Variants in RSPH14 observed in about 807,000 individuals in gnomAD.
RSPH14 encodes radial spoke head 14 homolog, also known as rhabdoid tumor deletion region gene 1.
Under a neutral mutation model 26.7 loss-of-function variants are expected in RSPH14, and 20 were observed. That is an observed-to-expected ratio of 0.75 (90% CI 0.53 to 1.09). The LOEUF is 1.09. Among genes scored for constraint, RSPH14 ranks in the 50% least tolerant of loss-of-function variants. The pLI, the probability that RSPH14 is intolerant of heterozygous loss-of-function variation, is 0.00. For synonymous variants in RSPH14, 177 were observed against 189.3 expected, an observed-to-expected ratio of 0.93 and a Z score of 0.53; for missense variants, 449 against 457.2, an observed-to-expected ratio of 0.98 and a Z score of 0.16.
At chr22:23,136,064 G>A (rs2146445647) in intron 3 of RSPH14, 2 of 417,972 alleles carry the variant, frequency 4.8e-6, no homozygotes, top group East Asian at 7.4e-5. Context: ...AGTCACCGTT[G>A]GACACACAAG....
At chr22:23,070,103 C>A (rs985149637) in intron 4 of RSPH14, among the ~76,000 whole-genome samples, 2 of 152,044 alleles carry the variant, frequency 1.3e-5, no homozygotes, top group Non-Finnish European at 2.9e-5. Flanking sequence ...GGAGCTCTTG[C>A]GGGACTGCGG....
chr22:23,078,353 C>T (rs989519410), intron 4 of RSPH14, among the ~76,000 whole-genome samples: 2 of 152,226 alleles, frequency 1.3e-5, no homozygotes, highest in Non-Finnish European at 2.9e-5. Context: ...TATGATAACA[C>T]CACGCACGCA....
chr22:23,169,823 C>T, the RSPH14 span, among the ~76,000 whole-genome samples: 1 of 152,150 alleles, frequency 6.6e-6, no homozygotes, highest in Non-Finnish European at 1.5e-5. Flanking sequence ...GGTACCTTGG[C>T]TGGGTGCGGT....
intron 4 of RSPH14, among the ~76,000 whole-genome samples, chr22:23,104,598 T>C (rs1252323689): frequency 1.3e-5 from 2 of 152,216 alleles, no homozygotes; most frequent in Admixed American, 6.5e-5. Context: ...TTAAGGGATT[T>C]GTATAATCCA....
intron 4 of RSPH14, among the ~76,000 whole-genome samples, chr22:23,093,434 G>A (rs1481077260): frequency 6.6e-6 from 1 of 152,234 alleles, no homozygotes; most frequent in Admixed American, 6.5e-5. Flanking sequence ...AACGAGGCCA[G>A]GACGGGCCCT....
the RSPH14 span, among the ~76,000 whole-genome samples, chr22:23,173,962 G>A: frequency 6.6e-6 from 1 of 151,890 alleles, no homozygotes; most frequent in Non-Finnish European, 1.5e-5. Flanking sequence ...CACCCTCCTC[G>A]GCCTCCCAAA....
Position 23,095,678 on chromosome 22 carries a change from G to A in RSPH14, c.422-31545C>T, listed in dbSNP as rs746216011. On this transcript the variant is annotated intron_variant, in intron 4 of 6. Coordinates refer to ENST00000216036, the MANE Select transcript of RSPH14 (RefSeq NM_014433.3). ...GCCCCATCCCGTGCTCCTTGTCTGG[G>A]CCCGCTGCTGCCAGACCATGGGATG... 6.9e-6 allele frequency: 11 copies of A among 1,588,434 alleles called. No homozygotes were observed. In the South Asian group the frequency reaches 1.3e-4, roughly 18 times the overall value.
intron 4 of RSPH14, among the ~76,000 whole-genome samples, chr22:23,084,114 C>A (rs2068752452): frequency 6.6e-6 from 1 of 152,166 alleles, no homozygotes; most frequent in Admixed American, 6.5e-5. Flanking sequence ...CTACCCATGT[C>A]CAGTGTCACT....
intron 4 of RSPH14, among the ~76,000 whole-genome samples, chr22:23,097,569 C>T (rs5996464): frequency 0.1 from 15,241 of 152,300 alleles, 2,456 homozygotes; most frequent in African/African-American, 0.34. Context: ...AAACGAATGA[C>T]GGACGGGCAG....
chr22:23,126,584 A>G (rs1214596259), intron 4 of RSPH14, among the ~76,000 whole-genome samples: 1 of 152,130 alleles, frequency 6.6e-6, no homozygotes, highest in Non-Finnish European at 1.5e-5. Context: ...CCTCTGACCC[A>G]CCTCATTCCT....
At chr22:23,179,103 C>T in the RSPH14 span, among the ~76,000 whole-genome samples, 1 of 152,218 alleles carries the variant, frequency 6.6e-6, no homozygotes, top group African/African-American at 2.4e-5. Context: ...TGAACCCAAG[C>T]AGGGCTGGCC....
At chr22:23,175,906 C>T in the RSPH14 span, among the ~76,000 whole-genome samples, 4 of 152,206 alleles carry the variant, frequency 2.6e-5, no homozygotes, top group Admixed American at 6.5e-5. Context: ...GAGTCTTCTC[C>T]GCTCAGACTC....
chr22:23,126,596 CA>C (rs1313650221), intron 4 of RSPH14, among the ~76,000 whole-genome samples: 1 of 152,238 alleles, frequency 6.6e-6, no homozygotes, highest in African/African-American at 2.4e-5. Context: ...CTCATTCCTC[CA>C]AACAATGCCC....
rs117961094 is a variant in RSPH14 at position 23,067,065 on chromosome 22, T to C, written c.422-2932A>G. ...AGAGCCCAGAACAGCAGGGCTCAAA[T>C]GTATGTGTTTGTGGGGAGTCCCCGA... On this transcript the variant is annotated intron_variant, in intron 4 of 6. Transcript: ENST00000216036. Among the ~76,000 whole-genome samples, 149 of 152,118 alleles carry C rather than the reference T, an allele frequency of 9.8e-4. 5 individuals are homozygous for C. The East Asian group carries it at 0.027, about 27-fold the overall frequency.
the RSPH14 span, chr22:23,158,866 T>C: frequency 6.3e-7 from 1 of 1,596,930 alleles, no homozygotes; most frequent in South Asian, 1.1e-5. Context: ...GGAGGATGGG[T>C]GAATCTCTCA....
intron 4 of RSPH14, among the ~76,000 whole-genome samples, chr22:23,081,969 C>CA (rs1328139433): frequency 6.8e-6 from 1 of 147,810 alleles, no homozygotes; most frequent in Non-Finnish European, 1.5e-5. Context: ...ACTAAAAATA[C>CA]AAAAAATTAG....
In RSPH14 at chr22:23,062,026, C is replaced by T. The variant is rs534950223; in HGVS notation, c.654-81G>A. The T allele has an allele frequency of 9.7e-6, 15 of 1,544,560 alleles. No individual in the cohort carries two copies. In the South Asian group the frequency reaches 1.0e-4, roughly 11 times the overall value. ...GGCCCAGGAGTGCCCCAGGGAGACA[C>T]AAAAGAAATAATTGTGTGGGGGCTA... On this transcript the variant is annotated intron_variant, in intron 5 of 6. Coordinates refer to ENST00000216036, the MANE Select transcript of RSPH14 (RefSeq NM_014433.3).
At chr22:23,158,253 G>A in the RSPH14 span, among the ~76,000 whole-genome samples, 1 of 152,226 alleles carries the variant, frequency 6.6e-6, no homozygotes, top group Admixed American at 6.5e-5. Flanking sequence ...CAGCACATGA[G>A]TGTGAGCCCA....
chr22:23,139,405 G>A (rs562101575), intron 2 of RSPH14, among the ~76,000 whole-genome samples: 1 of 152,248 alleles, frequency 6.6e-6, no homozygotes, highest in Non-Finnish European at 1.5e-5. Context: ...CGGATCACCT[G>A]AGATCAGGAG....
Sources: allele counts gnomAD v4.1 joint callset (sites outside exome capture counted in the v4.1 genomes callset), GRCh38; gene constraint gnomAD v4.1.1; transcripts MANE v1.5; gene names NCBI Gene and HGNC (gene_info 2026-07-23, HGNC 2026-07-21).